QRSL1: variants seen among roughly 807,000 people sequenced by gnomAD.
QRSL1 encodes the protein glutaminyl-tRNA amidotransferase subunit QRSL1.
Under a neutral mutation model 61.6 loss-of-function variants are expected in QRSL1, and 54 were observed. The observed-to-expected ratio is 0.88, with a 90% CI of 0.70 to 1.10. QRSL1 has a LOEUF of 1.10. Among genes scored for constraint, QRSL1 ranks in the 50% least tolerant of loss-of-function variants. The pLI is 0.00. For synonymous variants in QRSL1, 228 were observed against 225.7 expected, an observed-to-expected ratio of 1.01 and a Z score of -0.09; for missense variants, 505 against 622.6, an observed-to-expected ratio of 0.81 and a Z score of 2.01.
At position 106,666,350 on chromosome 6, in the gene QRSL1, A is replaced by G. The variant is rs925840956; in HGVS notation, c.*348A>G. On this transcript the variant is annotated 3_prime_UTR_variant, in exon 11 of 11. Transcript: ENST00000369046. ...TAAATAAAATAAAATAAAATGACGT[A>G]CAGAGATTCTATATTCTAGAGAGTC... is the stretch of plus-strand genomic sequence containing the variant. 1.4e-4 allele frequency: 34 copies of G among 240,720 alleles called. No individual in the cohort carries two copies. The highest frequency in any genetic ancestry group is 2.5e-5 in the Non-Finnish European group (3 of 121,562). The allele number at this position is 240,720 out of a possible 1,614,324, so 14.9% of individuals were successfully genotyped here.
At position 106,667,548 on chromosome 6, in the gene QRSL1, G is replaced by T. The variant is rs761077931; in HGVS notation, c.*1546G>T. ...TCACTTTGTTTAGTAAAAAAAAATT[G>T]TTTTCTAAATATGACGTTCATGAAG... On this transcript the variant is annotated 3_prime_UTR_variant, in exon 11 of 11. Transcript: ENST00000369046. 6.6e-6 allele frequency: 1 copy of T among 152,112 alleles called. No homozygotes were observed. The highest frequency in any genetic ancestry group is 2.1e-4 in the South Asian group (1 of 4,824). 9.4% of individuals were successfully genotyped at this position (152,112 alleles called of 1,614,324 possible).
chr6:106,646,800 A>C (rs1168719599), intron 4 of QRSL1, among the ~76,000 whole-genome samples: 1 of 152,010 alleles, frequency 6.6e-6, no homozygotes, highest in Non-Finnish European at 1.5e-5. Context: ...AGGCCGAGGC[A>C]GGTGGATCAC....
At chr6:106,632,189 A>G (rs1776846384) in intron 1 of QRSL1, among the ~76,000 whole-genome samples, 1 of 152,064 alleles carries the variant, frequency 6.6e-6, no homozygotes, top group South Asian at 2.1e-4. Flanking sequence ...CATGTAGGAC[A>G]TTTTCTCTAT....
At chr6:106,644,793 A>G (rs1444038975) in intron 4 of QRSL1, among the ~76,000 whole-genome samples, 1 of 152,242 alleles carries the variant, frequency 6.6e-6, no homozygotes, top group Non-Finnish European at 1.5e-5. Context: ...TGCTGGGATC[A>G]TAGACGTGAG....
At position 106,667,911 on chromosome 6, in the gene QRSL1, T is replaced by C. The variant is rs982116449; in HGVS notation, c.*1909T>C. On this transcript the variant is annotated 3_prime_UTR_variant, in exon 11 of 11. Coordinates refer to ENST00000369046, the MANE Select transcript of QRSL1 (RefSeq NM_018292.5). ...GAGCAAATATGATGTCAAAAGCAAG[T>C]AAATAAACAAACCGTTGCCCCAATC... is the stretch of plus-strand genomic sequence containing the variant. 1.3e-5 allele frequency: 2 copies of C among 151,040 alleles called. No individual in the cohort carries two copies. Among genetic ancestry groups the C allele is most frequent in the African/African-American group, 4.9e-5 (2 of 40,988 alleles). The allele number at this position is 151,040 out of a possible 1,614,324, so 9.4% of individuals were successfully genotyped here.
At chr6:106,664,834 T>C (rs1420911040) in intron 10 of QRSL1, among the ~76,000 whole-genome samples, 1 of 152,176 alleles carries the variant, frequency 6.6e-6, no homozygotes, top group South Asian at 2.1e-4. Flanking sequence ...TTAAGCAATT[T>C]CTGGAGTAAT....
At chr6:106,637,811 T>C (rs992039044) in intron 1 of QRSL1, among the ~76,000 whole-genome samples, 1 of 152,252 alleles carries the variant, frequency 6.6e-6, no homozygotes, top group Non-Finnish European at 1.5e-5. Flanking sequence ...ATGTGATTTA[T>C]GTTTCCTGCT....
intron 1 of QRSL1, among the ~76,000 whole-genome samples, chr6:106,637,386 A>T (rs115898354): frequency 0.032 from 4,799 of 152,312 alleles, 259 homozygotes; most frequent in African/African-American, 0.11. Context: ...GACTTGAAAT[A>T]TGATGTGAAC....
At chr6:106,631,209 G>C (rs1776823587) in intron 1 of QRSL1, among the ~76,000 whole-genome samples, 1 of 152,178 alleles carries the variant, frequency 6.6e-6, no homozygotes, top group Non-Finnish European at 1.5e-5. Context: ...CTGGGCGGCA[G>C]AGCAAGACTC....
chr6:106,652,174 T>G, intron 5 of QRSL1, 35 bp from the exon 6 acceptor site: 1 of 1,554,490 alleles, frequency 6.4e-7, no homozygotes, highest in South Asian at 1.2e-5. Flanking sequence ...TAGAGATATA[T>G]CATTCTTCTA....
chr6:106,639,883 C>G (rs942350143), intron 1 of QRSL1, among the ~76,000 whole-genome samples: 1 of 152,086 alleles, frequency 6.6e-6, no homozygotes, highest in African/African-American at 2.4e-5. Context: ...GTCTCTTACT[C>G]GAACTCCACA....
chr6:106,654,175 G>A (rs1296689427), intron 7 of QRSL1, among the ~76,000 whole-genome samples: 5 of 152,098 alleles, frequency 3.3e-5, no homozygotes, highest in East Asian at 1.9e-4. Context: ...GTGAAACCCC[G>A]TCTCTACTAA....
intron 1 of QRSL1, among the ~76,000 whole-genome samples, chr6:106,639,206 A>G (rs11759803): frequency 0.35 from 50,566 of 144,346 alleles, 9,223 homozygotes; most frequent in Non-Finnish European, 0.41. Context: ...GCTCACTGCA[A>G]CCTCCGCCTC....
At position 106,652,466 on chromosome 6, in the gene QRSL1, G is replaced by A. The variant is rs145214492; in HGVS notation, c.734-1G>A. 6.2e-7 allele frequency: 1 copy of A among 1,614,124 alleles called. No individual in the cohort carries two copies. The highest frequency in any genetic ancestry group is 1.3e-5 in the African/African-American group (1 of 75,044). On this transcript the variant is annotated splice_acceptor_variant, in intron 6 of 10. Coordinates refer to ENST00000369046, the MANE Select transcript of QRSL1 (RefSeq NM_018292.5). LOFTEE classifies it high-confidence loss of function. ...TCATTCATAAGTATTGCTCCTTACA[G>A]GTGCACTGGCCGGACCTGACCCCAG...
intron 10 of QRSL1, among the ~76,000 whole-genome samples, chr6:106,664,641 G>A: frequency 6.6e-6 from 1 of 152,194 alleles, no homozygotes; most frequent in Non-Finnish European, 1.5e-5. Flanking sequence ...GGATTTGTCA[G>A]ATTGCTTCCT....
rs371187456 is a variant in QRSL1, at chr6:106,656,131, A to G, written c.1160+399A>G. Among the ~76,000 whole-genome samples, 3 of 152,234 alleles carry G rather than the reference A, an allele frequency of 2.0e-5. No homozygotes were observed. The South Asian group carries it at 6.2e-4, about 32-fold the overall frequency. On this transcript the variant is annotated intron_variant, in intron 9 of 10. Coordinates refer to ENST00000369046, the MANE Select transcript of QRSL1 (RefSeq NM_018292.5). The stretch of plus-strand genomic sequence containing the variant: ...ACAAGTAATCTAGGGATAATTTTAA[A>G]CGTGCAGGAGGTGTGCATAGGTTTT...
chr6:106,660,445 C>G (rs1377195621), intron 9 of QRSL1, among the ~76,000 whole-genome samples: 5 of 152,038 alleles, frequency 3.3e-5, no homozygotes, highest in Admixed American at 6.5e-5. Flanking sequence ...CCAGCCACCC[C>G]ACAGGCATGA....
rs1404565303 is a variant in QRSL1, at chr6:106,667,195, T to C, written c.*1193T>C. 1 of 152,224 alleles carries C rather than the reference T, an allele frequency of 6.6e-6. No individual in the cohort carries two copies. The highest frequency in any genetic ancestry group is 1.5e-5 in the Non-Finnish European group (1 of 68,042). 9.4% of individuals were successfully genotyped at this position (152,224 alleles called of 1,614,324 possible). A position where few individuals can be genotyped will look rare whatever the true frequency, so the allele number is the denominator to read the frequency against. ...ACATACACTCTGAAAAACATGCAGA[T>C]AATTTGCTGATGAAGCAGAAGAGGG... On this transcript the variant is annotated 3_prime_UTR_variant, in exon 11 of 11. Transcript: ENST00000369046.
intron 9 of QRSL1, among the ~76,000 whole-genome samples, chr6:106,657,731 A>G (rs370364585): frequency 6.7e-6 from 1 of 148,742 alleles, no homozygotes; most frequent in South Asian, 2.1e-4. Context: ...TTTGAGACAG[A>G]GTCTCACTCT....
Sources: gnomAD v4.1 joint callset for allele counts (sites outside exome capture counted in the v4.1 genomes callset) on GRCh38, gnomAD v4.1.1 for gene constraint, MANE v1.5 for transcripts, NCBI Gene and HGNC (gene_info 2026-07-23, HGNC 2026-07-21) for gene names.